Variants in PRKG2 observed in about 807,000 individuals in gnomAD.
The protein encoded by PRKG2 is cGMP-dependent protein kinase 2.
PRKG2 carries 33 observed loss-of-function variants against 97.2 expected under a neutral mutation model. The ratio of observed to expected loss-of-function variants is 0.34; its 90% CI spans 0.26 to 0.45. PRKG2 has a LOEUF of 0.45. Ranked by LOEUF, PRKG2 falls within the 20% of genes least tolerant of loss-of-function variation. The pLI is 1.00. For synonymous variants in PRKG2, 330 were observed against 321.8 expected (o/e 1.03, Z -0.27); for missense variants, 638 against 900.0 (o/e 0.71, Z 3.73).
In PRKG2 at chr4:81,148,913, A is replaced by G; in HGVS notation, c.1125T>C (p.Asn375=). 2 of 1,613,770 alleles carry G rather than the reference A, an allele frequency of 1.2e-6. No homozygotes were observed. Among genetic ancestry groups the G allele is most frequent in the South Asian group, 1.1e-5 (1 of 91,078 alleles). The change falls in exon 9 of 19, where the codon AAT becomes AAC. Residue 375 remains asparagine, a synonymous_variant. Coordinates refer to ENST00000264399, the MANE Select transcript of PRKG2 (RefSeq NM_006259.3). ...GATCTATAACCAGGCATGCAACATC[A>G]TTTTCTTCAGCAATAATGTTAGCTG... ...VRSANIIAEE[N]DVACLVIDRE... is the part of the protein sequence containing the mutation.
intron 2 of PRKG2, among the ~76,000 whole-genome samples, chr4:81,182,559 C>G (rs1361581832): frequency 6.6e-6 from 1 of 151,322 alleles, no homozygotes; most frequent in African/African-American, 2.4e-5. Flanking sequence ...AGAAAAGAAA[C>G]AAAAAGAACA....
At chr4:81,174,693 T>C in intron 3 of PRKG2, 100 bp downstream of exon 3, 2 of 1,254,974 alleles carry the variant, frequency 1.6e-6, no homozygotes, top group Non-Finnish European at 2.2e-6. Flanking sequence ...TTATGTTTTC[T>C]ACAAATAGAG....
chr4:81,213,886 CTT>C (rs1013493988), intron 1 of PRKG2, among the ~76,000 whole-genome samples: 1 of 152,074 alleles, frequency 6.6e-6, no homozygotes, highest in African/African-American at 2.4e-5. Flanking sequence ...TGGGCATCAT[CTT>C]TTCAGGTCGT....
chr4:81,089,904 G>T, intron 18 of PRKG2, 101 bp from the exon 19 acceptor site: 1 of 930,188 alleles, frequency 1.1e-6, no homozygotes, highest in Non-Finnish European at 1.6e-6. Context: ...ATTTCATACT[G>T]CAGCCACTTG....
intron 14 of PRKG2, among the ~76,000 whole-genome samples, chr4:81,113,318 T>C (rs897790312): frequency 6.6e-6 from 1 of 151,628 alleles, no homozygotes; most frequent in Admixed American, 6.6e-5. Flanking sequence ...CACCCTCCCC[T>C]TTTTTTTCAA....
At chr4:81,172,649 C>A (rs1750587911) in intron 3 of PRKG2, among the ~76,000 whole-genome samples, 2 of 152,004 alleles carry the variant, frequency 1.3e-5, no homozygotes, top group East Asian at 1.9e-4. Context: ...ACAAACAAAA[C>A]CTTAACCAAC....
intron 14 of PRKG2, among the ~76,000 whole-genome samples, chr4:81,132,988 T>C (rs938627319): frequency 2.0e-5 from 3 of 152,150 alleles, no homozygotes; most frequent in South Asian, 2.1e-4. Context: ...TACATTCATG[T>C]TTTTTAATGC....
intron 1 of PRKG2, among the ~76,000 whole-genome samples, chr4:81,209,414 A>C (rs1348906210): frequency 1.3e-5 from 2 of 152,126 alleles, no homozygotes; most frequent in Non-Finnish European, 2.9e-5. Flanking sequence ...GTATAGCTAC[A>C]TGTATATCTG....
intron 2 of PRKG2, among the ~76,000 whole-genome samples, chr4:81,197,306 A>G (rs1282610481): frequency 6.6e-6 from 1 of 152,220 alleles, no homozygotes; most frequent in Non-Finnish European, 1.5e-5. Context: ...CCCATTTCAG[A>G]GGACATTTAG....
chr4:81,097,654 A>G (rs923822662), intron 17 of PRKG2, among the ~76,000 whole-genome samples: 1 of 152,178 alleles, frequency 6.6e-6, no homozygotes, highest in East Asian at 1.9e-4. Flanking sequence ...AGACACTTTC[A>G]TCAGTGATCT....
chr4:81,153,820 G>C (rs1748672965), intron 6 of PRKG2, 99 bp from the exon 7 acceptor site: 1 of 790,384 alleles, frequency 1.3e-6, no homozygotes, highest in African/African-American at 1.7e-5. Flanking sequence ...GAGCGGCGCA[G>C]AAGACGGGTG....
chr4:81,182,715 A>G (rs1751521595), intron 2 of PRKG2, among the ~76,000 whole-genome samples: 1 of 152,142 alleles, frequency 6.6e-6, no homozygotes, highest in Admixed American at 6.5e-5. Context: ...CTTGATATAA[A>G]GTCAATATAC....
At chr4:81,128,432 T>C (rs1324442210) in intron 14 of PRKG2, among the ~76,000 whole-genome samples, 1 of 152,220 alleles carries the variant, frequency 6.6e-6, no homozygotes, top group Non-Finnish European at 1.5e-5. Context: ...GTACCTCTGT[T>C]AGAATTCGGC....
At chr4:81,182,764 T>C (rs759913328) in intron 2 of PRKG2, among the ~76,000 whole-genome samples, 6 of 152,046 alleles carry the variant, frequency 3.9e-5, no homozygotes, top group Non-Finnish European at 7.4e-5. Flanking sequence ...ATTAAACAAT[T>C]AACATTAAAA....
chr4:81,133,685 A>G (rs996262975), intron 14 of PRKG2, among the ~76,000 whole-genome samples: 1 of 152,186 alleles, frequency 6.6e-6, no homozygotes, highest in African/African-American at 2.4e-5. Flanking sequence ...TTCACTTTTT[A>G]ATCACTGAAG....
At chr4:81,195,192 G>C (rs1752881385) in intron 2 of PRKG2, among the ~76,000 whole-genome samples, 1 of 152,040 alleles carries the variant, frequency 6.6e-6, no homozygotes, top group Non-Finnish European at 1.5e-5. Flanking sequence ...AACAAGTATT[G>C]ATTAACAATG....
At chr4:81,189,077 A>T (rs1752216575) in intron 2 of PRKG2, among the ~76,000 whole-genome samples, 5 of 110,566 alleles carry the variant, frequency 4.5e-5, no homozygotes, top group Non-Finnish European at 6.5e-5. Context: ...AAAAAAAAAA[A>T]AAAAAAAAAA....
intron 2 of PRKG2, chr4:81,193,486 A>G (rs1336400198): frequency 7.2e-5 from 11 of 152,322 alleles, no homozygotes; most frequent in Admixed American, 6.5e-4. Flanking sequence ...AGGGTTAGCT[A>G]TCACCACAAT....
At chr4:81,114,871 G>GT (rs575395288) in intron 14 of PRKG2, among the ~76,000 whole-genome samples, 41 of 151,930 alleles carry the variant, frequency 2.7e-4, no homozygotes, top group African/African-American at 8.5e-4. Context: ...ATACTTTATA[G>GT]TTTTTTTAAA....
Sources: gnomAD v4.1 joint callset for allele counts (sites outside exome capture counted in the v4.1 genomes callset) on GRCh38, gnomAD v4.1.1 for gene constraint, MANE v1.5 for transcripts, NCBI Gene and HGNC (gene_info 2026-07-23, HGNC 2026-07-21) for gene names.